OPCML: variants seen among roughly 807,000 people sequenced by gnomAD.
OPCML encodes opioid binding protein/cell adhesion molecule like, also known as opioid-binding protein/cell adhesion molecule.
OPCML carries 13 observed loss-of-function variants against 37.8 expected under a neutral mutation model. The ratio of observed to expected loss-of-function variants is 0.34; its 90% CI spans 0.22 to 0.55. The LOEUF is 0.55. Ranked by LOEUF, OPCML falls within the 20% of genes least tolerant of loss-of-function variation. The probability of loss-of-function intolerance (pLI) is 0.91; values close to 1 mark genes in which losing one functional copy is unlikely to be tolerated. For missense variants in OPCML, 341 were observed against 435.6 expected (o/e 0.78, Z 1.93); for synonymous variants, 176 against 168.8 (o/e 1.04, Z -0.33).
rs546169773 is a variant in OPCML at position 132,932,423 on chromosome 11, A to G, written c.146+10503T>C. Among the ~76,000 whole-genome samples the G allele has an allele frequency of 2.6e-4, 40 of 152,268 alleles. No homozygotes were observed. The South Asian group carries it at 7.9e-3, about 30-fold the overall frequency. ...CATGGGTAAATATATGCGTCCAAGTATACTGATGTGAACCCTAACAGGGTG... is the reference window on the plus strand; with the variant it reads ...CATGGGTAAATATATGCGTCCAAGTGTACTGATGTGAACCCTAACAGGGTG... On this transcript the variant is annotated intron_variant, in intron 2 of 7. Transcript: ENST00000524381.
At chr11:132,825,742 T>C (rs1479395159) in intron 2 of OPCML, among the ~76,000 whole-genome samples, 2 of 152,174 alleles carry the variant, frequency 1.3e-5, no homozygotes, top group African/African-American at 4.8e-5. Context: ...TTAACCTAAA[T>C]GCATTATTAA....
intron 1 of OPCML, among the ~76,000 whole-genome samples, chr11:133,245,082 G>A (rs1361063117): frequency 1.3e-5 from 2 of 152,160 alleles, no homozygotes; most frequent in African/African-American, 4.8e-5. Context: ...TCTACTGTGA[G>A]TCTGCCATTG....
At chr11:132,755,237 G>T (rs997061369) in intron 2 of OPCML, among the ~76,000 whole-genome samples, 1 of 151,952 alleles carries the variant, frequency 6.6e-6, no homozygotes, top group African/African-American at 2.4e-5. Context: ...CTTTCTTCTT[G>T]CAATATTTTA....
intron 3 of OPCML, among the ~76,000 whole-genome samples, chr11:132,563,956 A>G (rs10894581): frequency 0.45 from 67,699 of 151,996 alleles, 15,504 homozygotes; most frequent in African/African-American, 0.5. Flanking sequence ...TGCCCTGGAC[A>G]ACACACTGGT....
chr11:133,418,041 G>A (rs1021227186), intron 1 of OPCML: 4 of 983,446 alleles, frequency 4.1e-6, no homozygotes, highest in African/African-American at 1.7e-5. Context: ...AGAAGATACA[G>A]GGCAGAGAGA....
At chr11:133,377,413 A>C (rs2136769552) in intron 1 of OPCML, among the ~76,000 whole-genome samples, 1 of 151,966 alleles carries the variant, frequency 6.6e-6, no homozygotes, top group East Asian at 1.9e-4. Context: ...CTGTCGGTTG[A>C]GTTTTGCCGA....
rs530935430 is a variant in OPCML, at chr11:132,590,961, C to A, written c.380-61775G>T. Among the ~76,000 whole-genome samples, 29 of 152,308 alleles carry A rather than the reference C, an allele frequency of 1.9e-4. No homozygotes were observed. The South Asian group carries it at 5.8e-3, about 31-fold the overall frequency. On this transcript the variant is annotated intron_variant, in intron 3 of 7. Transcript: ENST00000524381. ...TTATCTCAGCACTTTCCATAATCCT[C>A]TAGAAGAACCAGTATCTTCCAGAAA...
chr11:133,233,868 T>C (rs1940399078), intron 1 of OPCML, among the ~76,000 whole-genome samples: 2 of 152,282 alleles, frequency 1.3e-5, no homozygotes, highest in Non-Finnish European at 2.9e-5. Context: ...TCTCCACAGA[T>C]GAGAACTAGA....
chr11:133,471,607 T>C (rs1947117316), intron 1 of OPCML, among the ~76,000 whole-genome samples: 1 of 152,124 alleles, frequency 6.6e-6, no homozygotes, highest in African/African-American at 2.4e-5. Context: ...TTTTAAAATA[T>C]GAAACATGAT....
At chr11:133,199,941 C>T (rs942998070) in intron 1 of OPCML, among the ~76,000 whole-genome samples, 1 of 152,158 alleles carries the variant, frequency 6.6e-6, no homozygotes, top group Non-Finnish European at 1.5e-5. Context: ...AATAAACAAA[C>T]TCAATCTTTG....
At chr11:132,762,149 C>T (rs1019446105) in intron 2 of OPCML, among the ~76,000 whole-genome samples, 2 of 152,238 alleles carry the variant, frequency 1.3e-5, no homozygotes, top group African/African-American at 2.4e-5. Context: ...AGCTGCAGAA[C>T]AGCGAAGATT....
chr11:132,928,330 T>C (rs1945070259), intron 2 of OPCML, among the ~76,000 whole-genome samples: 1 of 152,014 alleles, frequency 6.6e-6, no homozygotes, highest in Admixed American at 6.6e-5. Context: ...CAGAGGTGGC[T>C]ATGGGATAGC....
chr11:132,752,850 GTC>G (rs1478139801), intron 2 of OPCML, among the ~76,000 whole-genome samples: 2 of 152,048 alleles, frequency 1.3e-5, no homozygotes, highest in Admixed American at 6.5e-5. Flanking sequence ...GGAATTTTAG[GTC>G]TCTCAGTTGG....
At chr11:132,612,028 G>A (rs1893055) in intron 3 of OPCML, among the ~76,000 whole-genome samples, 111,095 of 152,132 alleles carry the variant, frequency 0.73, 40,963 homozygotes, top group East Asian at 0.87. Context: ...TATGCTGCCA[G>A]AAAATGGTAT....
At position 132,529,876 on chromosome 11, in the gene OPCML, A is replaced by G. The variant is rs540617236; in HGVS notation, c.380-690T>C. ...CTGTAACCATGAGATTGTACTCCAA[A>G]TTGTATTTTTTAAATGGCATCATAT... On this transcript the variant is annotated intron_variant, in intron 3 of 7. Coordinates refer to ENST00000524381, the MANE Select transcript of OPCML (RefSeq NM_001012393.5). 2.0e-5 allele frequency among the ~76,000 whole-genome samples: 3 copies of G among 152,246 alleles called. No individual in the cohort carries two copies. The South Asian group carries it at 6.2e-4, about 32-fold the overall frequency.
At chr11:133,448,416 C>T (rs549695936) in intron 1 of OPCML, among the ~76,000 whole-genome samples, 6 of 152,164 alleles carry the variant, frequency 3.9e-5, no homozygotes, top group South Asian at 2.1e-4. Context: ...AACCTTGTCC[C>T]GGTACCACCC....
intron 2 of OPCML, among the ~76,000 whole-genome samples, chr11:132,721,851 G>A (rs190612066): frequency 2.6e-5 from 4 of 151,822 alleles, no homozygotes; most frequent in African/African-American, 9.7e-5. Flanking sequence ...AAAGATCAGT[G>A]ACTAAAAACA....
At chr11:133,252,537 AT>A (rs1459695757) in intron 1 of OPCML, among the ~76,000 whole-genome samples, 3 of 152,168 alleles carry the variant, frequency 2.0e-5, no homozygotes, top group African/African-American at 7.2e-5. Flanking sequence ...TGGAGGTCCC[AT>A]TTCTGATTAA....
At chr11:133,101,903 A>G (rs567931477) in intron 1 of OPCML, among the ~76,000 whole-genome samples, 2 of 152,288 alleles carry the variant, frequency 1.3e-5, no homozygotes, top group African/African-American at 4.8e-5. Context: ...ATGAGCTATC[A>G]AGCCAAGAAA....
Sources: allele counts gnomAD v4.1 joint callset (sites outside exome capture counted in the v4.1 genomes callset), GRCh38; gene constraint gnomAD v4.1.1; transcripts MANE v1.5; gene names NCBI Gene and HGNC (gene_info 2026-07-23, HGNC 2026-07-21).